Variants in SYNE1 observed in about 807,000 individuals in gnomAD.
SYNE1 encodes the protein nesprin-1.
Under a neutral mutation model 1,111.0 loss-of-function variants are expected in SYNE1, and 616 were observed. The observed-to-expected ratio is 0.55, with a 90% CI of 0.52 to 0.59. The LOEUF (loss-of-function observed/expected upper bound fraction) is 0.59. Among genes scored for constraint, SYNE1 ranks in the 20% least tolerant of loss-of-function variants. The pLI is 0.00. For missense variants in SYNE1, 10,006 were observed against 10,417.0 expected (o/e 0.96, Z 1.72); for synonymous variants, 3,855 against 3,825.8 (o/e 1.01, Z -0.28).
In SYNE1 at chr6:152,449,554, T is replaced by C; in HGVS notation, c.3483A>G (p.Gly1161=). 6.2e-7 allele frequency: 1 copy of C among 1,614,054 alleles called. No homozygotes were observed. ...TTACTTCAACGGCACGTTTAACCTCTCCGTGGTTGGCAGTATCGATGGCCT... is the reference window on the plus strand; with the variant it reads ...TTACTTCAACGGCACGTTTAACCTCCCCGTGGTTGGCAGTATCGATGGCCT... ...KGEAIDTANH[G]EVKRAVEEIR... The change falls in exon 28 of 146, where the codon GGA becomes GGG. Residue 1161 remains glycine (G), a synonymous_variant. Coordinates refer to ENST00000367255, the MANE Select transcript of SYNE1 (RefSeq NM_182961.4).
At chr6:152,602,542 A>G (rs2099598663) in intron 3 of SYNE1, among the ~76,000 whole-genome samples, 1 of 152,208 alleles carries the variant, frequency 6.6e-6, no homozygotes, top group Non-Finnish European at 1.5e-5. Flanking sequence ...AAGGTAACAC[A>G]GGTACATCTG....
At position 152,143,748 on chromosome 6, in the gene SYNE1, C is replaced by T; in HGVS notation, c.24994G>A (p.Glu8332Lys). Residue 8332 changes from glutamate (E) to lysine (K), a missense_variant, in exon 138 of 146, where the codon GAG becomes AAG. By Grantham distance (56) the Glu-to-Lys change is moderately conservative. Transcript: ENST00000367255. ...VGLSGDHSAL[E>K]SQIRQLGKAL... ...TTGCCCAGTTGTCGGATCTGTGACT[C>T]TAGGGCACTGTGGTCCCCTGCGGTG... 1 of 1,614,224 alleles carries T rather than the reference C, an allele frequency of 6.2e-7. No individual in the cohort carries two copies. Among genetic ancestry groups the T allele is most frequent in the South Asian group, 1.1e-5 (1 of 91,074 alleles).
intron 3 of SYNE1, among the ~76,000 whole-genome samples, chr6:152,554,460 G>A (rs568405724): frequency 6.6e-6 from 1 of 152,104 alleles, no homozygotes; most frequent in South Asian, 2.1e-4. Context: ...GAGGACTTCT[G>A]GATCAAAAGA....
chr6:152,530,355 G>A (rs1050062485), intron 4 of SYNE1, among the ~76,000 whole-genome samples: 3 of 152,042 alleles, frequency 2.0e-5, no homozygotes, highest in African/African-American at 7.2e-5. Context: ...ACACTATTCT[G>A]AGTGTAACAA....
intron 3 of SYNE1, among the ~76,000 whole-genome samples, chr6:152,552,712 C>A (rs1047405651): frequency 2.0e-5 from 3 of 152,140 alleles, no homozygotes; most frequent in Non-Finnish European, 4.4e-5. Flanking sequence ...TCAAATTCAA[C>A]CCCCACCATG....
intron 3 of SYNE1, among the ~76,000 whole-genome samples, chr6:152,614,988 G>A (rs2099641801): frequency 6.6e-6 from 1 of 152,140 alleles, no homozygotes; most frequent in South Asian, 2.1e-4. Flanking sequence ...GCCTGTCTGT[G>A]GGGGCTGGAG....
At chr6:152,284,220 G>A (rs2094192605) in intron 95 of SYNE1, 48 bp from the exon 96 acceptor site, 3 of 1,590,510 alleles carry the variant, frequency 1.9e-6, no homozygotes, top group South Asian at 1.1e-5. Context: ...TTTCTTCACT[G>A]AGGGATCATT....
At chr6:152,149,722 T>A in intron 135 of SYNE1, 54 bp from the exon 136 acceptor site, 1 of 1,461,938 alleles carries the variant, frequency 6.8e-7, no homozygotes, top group Non-Finnish European at 9.6e-7. Flanking sequence ...TACATTGATA[T>A]AAAAGAATCA....
At chr6:152,544,172 G>A (rs557981673) in intron 3 of SYNE1, among the ~76,000 whole-genome samples, 14 of 152,304 alleles carry the variant, frequency 9.2e-5, no homozygotes, top group South Asian at 4.1e-4. Context: ...TGACAGCAGC[G>A]TCAGGGTAGA....
chr6:152,564,860 T>C (rs1402666464), intron 3 of SYNE1, among the ~76,000 whole-genome samples: 3 of 152,172 alleles, frequency 2.0e-5, no homozygotes, highest in Non-Finnish European at 4.4e-5. Flanking sequence ...TATAGCTTCA[T>C]TTAGCCATAT....
Position 152,541,574 on chromosome 6 carries a change from C to T in SYNE1, c.68-1553G>A, listed in dbSNP as rs543562450. Among the ~76,000 whole-genome samples, 591 of 152,014 alleles carry T rather than the reference C, an allele frequency of 3.9e-3. 1 individual carries two copies. Among genetic ancestry groups the T allele is most frequent in the Non-Finnish European group, 7.0e-3 (474 of 67,936 alleles). On this transcript the variant is annotated intron_variant, in intron 3 of 145. Transcript: ENST00000367255. ...CCATCCTGGCTAACACGGTGAAACC[C>T]TGCCTCTACTAAAAATACAAAAAAT...
chr6:152,215,246 C>T (rs185235895), intron 121 of SYNE1, among the ~76,000 whole-genome samples, 186 bp from the exon 122 acceptor site: 1 of 152,296 alleles, frequency 6.6e-6, no homozygotes, highest in East Asian at 1.9e-4. Flanking sequence ...ACTTTTCAGT[C>T]TAAACTGCTG....
chr6:152,595,977 C>A (rs544462736), intron 3 of SYNE1, among the ~76,000 whole-genome samples: 1 of 151,750 alleles, frequency 6.6e-6, no homozygotes, highest in African/African-American at 2.4e-5. Context: ...GAGCTAGCTG[C>A]CCTGATCAGG....
chr6:152,219,185 C>T lies in SYNE1; in HGVS notation c.21862G>A (p.Asp7288Asn). ...ACTGTGCCCAGTCCTTTGAGGAGGT[C>T]CTAGAAGAGGTGAAAATATGCCCAC... is the stretch of plus-strand genomic sequence containing the variant. Reference protein sequence around the residue: ...EVATWIQDCNDLLKGLGTVKD... With the variant: ...EVATWIQDCNNLLKGLGTVKD... The change falls in exon 120 of 146, where the codon GAC (aspartate) becomes AAC (asparagine). Residue 7288 changes from aspartate (D) to asparagine (N), a missense_variant and splice_region_variant. By Grantham distance (23) the Asp-to-Asn change is conservative. This residue lies in a region of SYNE1 where 2,182 missense variants were observed against 2,287.8 expected (regional missense o/e 0.95). Transcript: ENST00000367255. 6.2e-7 allele frequency: 1 copy of T among 1,613,502 alleles called. No individual in the cohort carries two copies. Among genetic ancestry groups the T allele is most frequent in the Non-Finnish European group, 8.5e-7 (1 of 1,179,908 alleles).
rs761089261 is a variant in SYNE1 at position 152,353,314 on chromosome 6, C to G, written c.11202G>C (p.Lys3734Asn). Reference sequence around the variant, plus strand: ...TCATTACTGTATCTACTTTGTCAATCTTGGTAGCCACATTCTTGAAGTTTT... The same window carrying G: ...TCATTACTGTATCTACTTTGTCAATGTTGGTAGCCACATTCTTGAAGTTTT... The part of the protein sequence containing the change: ...THKNFKNVAT[K>N]IDKVDTVMMG... The change falls in exon 69 of 146, where the codon AAG becomes AAC. Residue 3734 changes from lysine (K) to asparagine (N), a missense_variant. Physicochemically the swap from Lys to Asn is moderately conservative, Grantham distance 94 (BLOSUM62 0). This residue lies in a region of SYNE1 where 4,955 missense variants were observed against 5,017.2 expected (regional missense o/e 0.99). Transcript: ENST00000367255. 3.7e-5 allele frequency: 60 copies of G among 1,614,068 alleles called. No homozygotes were observed. Among genetic ancestry groups the G allele is most frequent in the Middle Eastern group, 1.6e-4 (1 of 6,084 alleles).
chr6:152,546,164 T>C (rs1346623712), intron 3 of SYNE1: 1 of 152,214 alleles, frequency 6.6e-6, no homozygotes, highest in Admixed American at 6.5e-5. Context: ...CCACTAACTT[T>C]ATTATATATG....
At chr6:152,449,878 A>T (rs1033564635) in intron 27 of SYNE1, among the ~76,000 whole-genome samples, 15 of 152,198 alleles carry the variant, frequency 9.9e-5, no homozygotes, top group Non-Finnish European at 1.9e-4. Context: ...AAGGAAAAAG[A>T]TGTGTTCTAG....
chr6:152,432,586 G>A (rs1355557267), intron 34 of SYNE1, among the ~76,000 whole-genome samples: 2 of 151,960 alleles, frequency 1.3e-5, no homozygotes, highest in African/African-American at 4.8e-5. Flanking sequence ...ATAACAATGA[G>A]ATGACATTAG....
intron 3 of SYNE1, among the ~76,000 whole-genome samples, chr6:152,571,472 A>G (rs2099457042): frequency 6.6e-6 from 1 of 152,208 alleles, no homozygotes; most frequent in South Asian, 2.1e-4. Flanking sequence ...CGAAATTTAG[A>G]GCTACACACC....
Sources: allele counts gnomAD v4.1 joint callset (sites outside exome capture counted in the v4.1 genomes callset), GRCh38; gene constraint gnomAD v4.1.1; regional missense constraint gnomAD v4.1.1; transcripts MANE v1.5; gene names NCBI Gene and HGNC (gene_info 2026-07-23, HGNC 2026-07-21).